The following TRANK1 variants were observed in gnomAD, a reference collection of about 807,000 sequenced individuals.
TRANK1 encodes the protein tetratricopeptide repeat and ankyrin repeat containing 1.
TRANK1 carries 198 observed loss-of-function variants against 266.0 expected under a neutral mutation model. The ratio of observed to expected loss-of-function variants is 0.74; its 90% CI spans 0.66 to 0.84. The LOEUF (loss-of-function observed/expected upper bound fraction) is 0.84. TRANK1 is among the 40% of genes least tolerant of loss of function. The pLI is 0.00. For missense variants in TRANK1, 3,326 were observed against 3,634.6 expected, an observed-to-expected ratio of 0.92 and a Z score of 2.18; for synonymous variants, 1,396 against 1,384.1, an observed-to-expected ratio of 1.01 and a Z score of -0.19.
chr3:36,916,198 T>C (rs77815968), intron 1 of TRANK1, among the ~76,000 whole-genome samples: 2,181 of 152,330 alleles, frequency 0.014, 37 homozygotes, highest in Middle Eastern at 0.02. Context: ...AACTTTGCAA[T>C]ACATAGCCAC....
chr3:36,828,402 A>C (rs772606240), intron 23 of TRANK1, 27 bp from the exon 24 acceptor site: 1 of 960,694 alleles, frequency 1.0e-6, no homozygotes, highest in South Asian at 1.3e-5. Context: ...GGAAGGAAGG[A>C]AGGAAGGAAA....
rs557944045 is a variant in TRANK1, at chr3:36,862,686, C to A, written c.1241-1526G>T. ...GTGAAGCCTAGGACATTTGTTCGAA[C>A]CACTGAAAGAGAGAGACAGACGGGT... On this transcript the variant is annotated intron_variant, in intron 10 of 23. Transcript: ENST00000645898. Among the ~76,000 whole-genome samples, 9 of 152,266 alleles carry A rather than the reference C, an allele frequency of 5.9e-5. No individual in the cohort carries two copies. The South Asian group carries it at 1.9e-3, about 32-fold the overall frequency.
At position 36,855,470 on chromosome 3, in the gene TRANK1, A is replaced by T. The variant is rs766667499; in HGVS notation, c.4252T>A (p.Ser1418Thr). Reference protein sequence around the residue: ...FDEEDVLYNISRRLSKLRVLP... With the variant: ...FDEEDVLYNITRRLSKLRVLP... ...ACCCTGAGCTTCGACAGCCTCCGGG[A>T]TATGTTGTACAGAACATCCTCTTCA... The change falls in exon 13 of 24, where the codon TCC (serine) becomes ACC (threonine). Residue 1418 changes from serine (S) to threonine (T), a missense_variant. Transcript: ENST00000645898. 2.5e-6 allele frequency: 4 copies of T among 1,613,918 alleles called. No homozygotes were observed. The highest frequency in any genetic ancestry group is 1.1e-5 in the South Asian group (1 of 91,070).
At chr3:36,842,732 T>A in intron 17 of TRANK1, 22 bp from the exon 18 acceptor site, 1 of 1,603,346 alleles carries the variant, frequency 6.2e-7, no homozygotes, top group Non-Finnish European at 8.5e-7. Context: ...AAGAAAAGTG[T>A]GTTTGCTTCT....
chr3:36,916,803 G>GTTTTTTTT (rs533328022), intron 1 of TRANK1, among the ~76,000 whole-genome samples: 1 of 142,502 alleles, frequency 7.0e-6, no homozygotes, highest in African/African-American at 2.6e-5. Flanking sequence ...GGTTTTTTTT[G>GTTTTTTTT]TTTTTTTTTT....
chr3:36,864,819 C>A (rs1035364280), intron 9 of TRANK1, among the ~76,000 whole-genome samples: 3 of 152,064 alleles, frequency 2.0e-5, no homozygotes, highest in Non-Finnish European at 2.9e-5. Context: ...AGATAAGAGA[C>A]AACATAGAAC....
chr3:36,912,053 G>C (rs946084518), intron 1 of TRANK1, among the ~76,000 whole-genome samples: 2 of 152,204 alleles, frequency 1.3e-5, no homozygotes, highest in South Asian at 4.2e-4. Context: ...AGCCAGGCAT[G>C]GTAGTGCATG....
At position 36,857,206 on chromosome 3, in the gene TRANK1, G is replaced by A; in HGVS notation, c.2516C>T (p.Thr839Ile). Residue 839 changes from threonine to isoleucine, a missense_variant, in exon 13 of 24, where the codon ACT becomes ATT. Transcript: ENST00000645898. This position sits in a 1 kb window ranked among gnomAD's most constrained non-coding sequence, Gnocchi z 4.3. ...AGACAGCTTCTTCAGCATTTCTGAA[G>A]TGCACTCGATCTCCCAGGTCATGTT... ...FDNMTWEIEC[T>I]SEMLKKLSSK... 2 of 1,613,920 alleles carry A rather than the reference G, an allele frequency of 1.2e-6. No homozygotes were observed. Among genetic ancestry groups the A allele is most frequent in the Middle Eastern group, 1.6e-4 (1 of 6,062 alleles).
intron 1 of TRANK1, among the ~76,000 whole-genome samples, chr3:36,913,952 A>G (rs566307007): frequency 1.9e-3 from 290 of 152,208 alleles, no homozygotes; most frequent in Non-Finnish European, 3.7e-3. Context: ...TACAGCCTCA[A>G]TTACACCCAA....
chr3:36,836,510 C>G (rs548358168), intron 20 of TRANK1, among the ~76,000 whole-genome samples: 1 of 152,308 alleles, frequency 6.6e-6, no homozygotes, highest in South Asian at 2.1e-4. Flanking sequence ...GAAGACACCA[C>G]TATTCATTTT....
chr3:36,929,693 T>G (rs2080334965), intron 1 of TRANK1, among the ~76,000 whole-genome samples: 1 of 152,160 alleles, frequency 6.6e-6, no homozygotes, highest in Non-Finnish European at 1.5e-5. Context: ...CCCCAGAAAC[T>G]ATGAATATAT....
chr3:36,892,874 T>G lies in TRANK1; in HGVS notation c.636+27A>C, dbSNP rs980364896. 130 of 824,510 alleles carry G rather than the reference T, an allele frequency of 1.6e-4. 1 individual carries two copies. Among genetic ancestry groups the G allele is most frequent in the East Asian group, 5.1e-4 (13 of 25,544 alleles). The allele number at this position is 824,510 out of a possible 1,614,324, so 51.1% of individuals were successfully genotyped here. A position where few individuals can be genotyped will look rare whatever the true frequency, so the allele number is the denominator to read the frequency against. On this transcript the variant is annotated intron_variant, in intron 6 of 23. Coordinates refer to ENST00000645898, the MANE Select transcript of TRANK1 (RefSeq NM_001329998.2). ...AAACATATATATATATATATATAGA[T>G]ATATATAGATATATATATCACCTTA... is the stretch of plus-strand genomic sequence containing the variant.
intron 1 of TRANK1, among the ~76,000 whole-genome samples, chr3:36,944,426 C>G (rs2080542200): frequency 6.6e-6 from 1 of 152,198 alleles, no homozygotes; most frequent in Non-Finnish European, 1.5e-5. Context: ...GGGGCGCGCT[C>G]GCTGGTCAGG....
intron 16 of TRANK1, 27 bp from the exon 17 acceptor site, chr3:36,846,431 G>T: frequency 1.3e-6 from 2 of 1,595,040 alleles, no homozygotes; most frequent in Non-Finnish European, 1.7e-6. Context: ...GGACAAAGAT[G>T]ATGAGCCATT....
At chr3:36,836,080 G>C (rs187533112) in intron 20 of TRANK1, among the ~76,000 whole-genome samples, 2 of 152,330 alleles carry the variant, frequency 1.3e-5, no homozygotes, top group Admixed American at 6.5e-5. Flanking sequence ...CATCCACCAG[G>C]TTTGAAAAAT....
At chr3:36,929,083 A>T (rs538264670) in intron 1 of TRANK1, among the ~76,000 whole-genome samples, 3 of 152,276 alleles carry the variant, frequency 2.0e-5, no homozygotes, top group African/African-American at 7.2e-5. Flanking sequence ...TAAAACAAAT[A>T]AATAAAAGAG....
intron 1 of TRANK1, among the ~76,000 whole-genome samples, chr3:36,917,419 A>G (rs1406862604): frequency 6.6e-6 from 1 of 152,226 alleles, no homozygotes; most frequent in African/African-American, 2.4e-5. Flanking sequence ...TCAACCCATT[A>G]AAGTGTTTCA....
At chr3:36,829,207 G>A (rs964075144) in intron 23 of TRANK1, among the ~76,000 whole-genome samples, 1 of 152,142 alleles carries the variant, frequency 6.6e-6, no homozygotes, top group Non-Finnish European at 1.5e-5. Context: ...TGACTTAAAT[G>A]ACTGATCGAC....
chr3:36,943,073 T>A (rs888302479), intron 1 of TRANK1, among the ~76,000 whole-genome samples: 1 of 150,290 alleles, frequency 6.7e-6, no homozygotes, highest in Admixed American at 6.6e-5. Flanking sequence ...CCCCCCGTAA[T>A]CCCAGCTATT....
Sources: gnomAD v4.1 joint callset for allele counts (sites outside exome capture counted in the v4.1 genomes callset) on GRCh38, gnomAD v4.1.1 for gene constraint, Gnocchi (gnomAD v3.1) non-coding constraint, MANE v1.5 for transcripts, NCBI Gene and HGNC (gene_info 2026-07-23, HGNC 2026-07-21) for gene names.